The following IL1RAPL2 variants were observed in gnomAD, a reference collection of about 807,000 sequenced individuals.
IL1RAPL2 encodes X-linked interleukin-1 receptor accessory protein-like 2.
IL1RAPL2 carries 3 observed loss-of-function variants against 44.1 expected under a neutral mutation model. That is an observed-to-expected ratio of 0.07 (90% confidence interval 0.03 to 0.18). IL1RAPL2 has a LOEUF of 0.18. Ranked by LOEUF, IL1RAPL2 falls within the 10% of genes least tolerant of loss-of-function variation. The pLI is 1.00. For synonymous variants in IL1RAPL2, 181 were observed against 178.8 expected (o/e 1.01, Z -0.10); for missense variants, 391 against 496.4 (o/e 0.79, Z 2.02).
chrX:104,760,230 C>T (rs1300107606), intron 2 of IL1RAPL2, among the ~76,000 whole-genome samples: 4 of 112,185 alleles, frequency 3.6e-5, no homozygotes, highest in Non-Finnish European at 7.5e-5. Flanking sequence ...GTAAACAGTG[C>T]TGCAACAAAC....
intron 6 of IL1RAPL2, among the ~76,000 whole-genome samples, chrX:105,614,032 C>A (rs2037355684): frequency 9.0e-6 from 1 of 111,469 alleles, no homozygotes; most frequent in South Asian, 3.8e-4. Context: ...TTCTACATAC[C>A]AACAGCAAAT....
In IL1RAPL2 at chrX:104,649,275, A is replaced by G. The variant is rs1444807090; in HGVS notation, c.-19-9620A>G. On this transcript the variant is annotated intron_variant, in intron 1 of 10. Transcript: ENST00000372582. Reference sequence around the variant, plus strand: ...GACTTGGCTGCCACTTTATGCAGTTATTTTCAAATGACAGAAGTGCTTGAG... The same window carrying G: ...GACTTGGCTGCCACTTTATGCAGTTGTTTTCAAATGACAGAAGTGCTTGAG... Among the ~76,000 whole-genome samples, 3 of 111,706 alleles carry G rather than the reference A, an allele frequency of 2.7e-5. No individual in the cohort carries two copies. The East Asian group carries it at 8.5e-4, about 32-fold the overall frequency.
chrX:104,791,834 G>C (rs1932827857), intron 2 of IL1RAPL2, among the ~76,000 whole-genome samples: 1 of 111,210 alleles, frequency 9.0e-6, no homozygotes. Flanking sequence ...ATGTATTTGA[G>C]TGTTAAGAAC....
Position 105,108,452 on chromosome X carries a change from T to C in IL1RAPL2, c.83-87023T>C, listed in dbSNP as rs768606810. On this transcript the variant is annotated intron_variant, in intron 2 of 10. Transcript: ENST00000372582. ...CTCAGGTGATCCTCCTGTCTCAGAC[T>C]CCTGAGTAGCTGGGACTACAGGCCT... Among the ~76,000 whole-genome samples, 5 of 109,257 alleles carry C rather than the reference T, an allele frequency of 4.6e-5. No homozygotes were observed. The South Asian group carries it at 2.0e-3, about 44-fold the overall frequency. The allele number at this position is 109,257 out of a possible 115,157, so 94.9% of individuals were successfully genotyped here. A position where few individuals can be genotyped will look rare whatever the true frequency, so the allele number is the denominator to read the frequency against.
At chrX:104,633,543 T>C (rs978930030) in intron 1 of IL1RAPL2, among the ~76,000 whole-genome samples, 4 of 111,929 alleles carry the variant, frequency 3.6e-5, no homozygotes, top group Non-Finnish European at 7.5e-5. Flanking sequence ...TGTTCAGAGA[T>C]TCAGCTTCTT....
At chrX:104,898,388 A>T (rs1156633987) in intron 2 of IL1RAPL2, among the ~76,000 whole-genome samples, 1 of 112,561 alleles carries the variant, frequency 8.9e-6, no homozygotes, top group Non-Finnish European at 1.9e-5. Flanking sequence ...GAGACAACTA[A>T]GTATAGGTAT....
intron 6 of IL1RAPL2, among the ~76,000 whole-genome samples, chrX:105,623,293 C>G (rs1396310671): frequency 4.6e-5 from 5 of 109,670 alleles, no homozygotes; most frequent in Admixed American, 9.9e-5. Flanking sequence ...GAGTCTTGAC[C>G]TTTAATCACT....
intron 5 of IL1RAPL2, among the ~76,000 whole-genome samples, chrX:105,292,651 A>G (rs192284569): frequency 1.5e-4 from 17 of 111,993 alleles, no homozygotes; most frequent in Admixed American, 1.3e-3. Flanking sequence ...CTTTTGCAAA[A>G]TATAGTTTCT....
At chrX:105,386,338 G>A (rs1381319769) in intron 5 of IL1RAPL2, among the ~76,000 whole-genome samples, 1 of 111,416 alleles carries the variant, frequency 9.0e-6, no homozygotes, top group African/African-American at 3.3e-5. Flanking sequence ...ATGTACTACT[G>A]AAAAGTGCAG....
chrX:104,681,805 A>G (rs1438855776), intron 2 of IL1RAPL2, among the ~76,000 whole-genome samples: 1 of 112,416 alleles, frequency 8.9e-6, no homozygotes, highest in Non-Finnish European at 1.9e-5. Flanking sequence ...TCTTTTGCTG[A>G]TTTGCCTTTC....
At chrX:105,702,972 G>A (rs1212431417) in intron 6 of IL1RAPL2, among the ~76,000 whole-genome samples, 1 of 111,414 alleles carries the variant, frequency 9.0e-6, no homozygotes, top group Non-Finnish European at 1.9e-5. Context: ...CAAAATCAGG[G>A]CAATAGGAAA....
At chrX:104,694,627 T>C (rs1931147510) in intron 2 of IL1RAPL2, among the ~76,000 whole-genome samples, 1 of 111,008 alleles carries the variant, frequency 9.0e-6, no homozygotes, top group African/African-American at 3.3e-5. Flanking sequence ...GCTAAAAAAA[T>C]AGAGACAGTT....
At chrX:105,277,209 G>A (rs145924131) in intron 5 of IL1RAPL2, among the ~76,000 whole-genome samples, 11 of 112,171 alleles carry the variant, frequency 9.8e-5, no homozygotes, top group South Asian at 3.7e-4. Context: ...CTGAATGTAC[G>A]TGTCCTGATT....
In IL1RAPL2 at chrX:105,001,349, C is replaced by G. The variant is rs936026842; in HGVS notation, c.83-194126C>G. Among the ~76,000 whole-genome samples the G allele has an allele frequency of 2.7e-5, 3 of 111,452 alleles. No homozygotes were observed. In the Admixed American group the frequency reaches 2.9e-4, roughly 11 times the overall value. On this transcript the variant is annotated intron_variant, in intron 2 of 10. Coordinates refer to ENST00000372582, the MANE Select transcript of IL1RAPL2 (RefSeq NM_017416.2). ...GTATTCAGAGGAGTATATCTAGTCT[C>G]CAGGATTCTGAATATCTCCTCTCTG...
rs904075823 is a variant in IL1RAPL2 at position 104,809,895 on chromosome X, C to T, written c.82+150900C>T. Reference sequence around the variant, plus strand: ...TCTAGAACTAGAAATACCATTTGACCCAGCCATCCCATTACTGGGTATATA... The same window carrying T: ...TCTAGAACTAGAAATACCATTTGACTCAGCCATCCCATTACTGGGTATATA... On this transcript the variant is annotated intron_variant, in intron 2 of 10. Transcript: ENST00000372582. 8.1e-5 allele frequency among the ~76,000 whole-genome samples: 9 copies of T among 110,862 alleles called. No individual in the cohort carries two copies. In the East Asian group the frequency reaches 2.5e-3, roughly 31 times the overall value.
At chrX:104,923,019 G>C (rs1276860140) in intron 2 of IL1RAPL2, among the ~76,000 whole-genome samples, 1 of 111,099 alleles carries the variant, frequency 9.0e-6, no homozygotes. Flanking sequence ...AACACAGTTG[G>C]AGGCTCTAAC....
At chrX:105,184,767 A>G (rs1271215095) in intron 2 of IL1RAPL2, among the ~76,000 whole-genome samples, 1 of 110,814 alleles carries the variant, frequency 9.0e-6, no homozygotes, top group Non-Finnish European at 1.9e-5. Flanking sequence ...AATATGACTC[A>G]CCTATGACCT....
intron 2 of IL1RAPL2, among the ~76,000 whole-genome samples, chrX:104,989,314 G>A (rs781475998): frequency 5.4e-5 from 6 of 111,609 alleles, no homozygotes. Context: ...TAGTCCCAAA[G>A]AGAGACTGAA....
intron 2 of IL1RAPL2, among the ~76,000 whole-genome samples, chrX:104,922,549 A>G (rs1297007557): frequency 8.9e-6 from 1 of 112,430 alleles, no homozygotes; most frequent in Non-Finnish European, 1.9e-5. Context: ...AAGGCTATCT[A>G]TAATCAATGA....
Sources: gnomAD v4.1 joint callset for allele counts (sites outside exome capture counted in the v4.1 genomes callset) on GRCh38, gnomAD v4.1.1 for gene constraint, MANE v1.5 for transcripts, NCBI Gene and HGNC (gene_info 2026-07-23, HGNC 2026-07-21) for gene names.